Variants in CDH23 observed in about 807,000 individuals in gnomAD.
CDH23 encodes cadherin-23.
In CDH23, 189 loss-of-function variants were observed where a neutral mutation model predicts 317.1. That is an observed-to-expected ratio of 0.60 (90% CI 0.53 to 0.67). The LOEUF (loss-of-function observed/expected upper bound fraction) is 0.67. CDH23 is among the 30% of genes least tolerant of loss of function. CDH23 has a pLI of 0.00. For missense variants in CDH23, 4,401 were observed against 4,592.4 expected, an observed-to-expected ratio of 0.96 and a Z score of 1.20; for synonymous variants, 1,839 against 1,876.8, an observed-to-expected ratio of 0.98 and a Z score of 0.52.
In CDH23 at chr10:71,739,762, A is replaced by G. The variant is rs1014554105; in HGVS notation, c.4478A>G (p.Tyr1493Cys). 2.5e-6 allele frequency: 4 copies of G among 1,610,888 alleles called. No individual in the cohort carries two copies. Among genetic ancestry groups the G allele is most frequent in the East Asian group, 2.2e-5 (1 of 44,846 alleles). ...RPLDREELDH[Y>C]ILQVVASDRG... The stretch of plus-strand genomic sequence containing the variant: ...CTGGACAGAGAAGAGCTGGATCACT[A>G]CATCCTCCAGGTGGGGCCTGGCCTC... The change falls in exon 36 of 70, where the codon TAC becomes TGC. Residue 1493 changes from tyrosine (Y) to cysteine (C), a missense_variant. Tyr to Cys is a radical substitution (Grantham distance 194). This residue lies in a region of CDH23 where 3,068 missense variants were observed against 3,203.3 expected (regional missense o/e 0.96). Coordinates refer to ENST00000224721, the MANE Select transcript of CDH23 (RefSeq NM_022124.6).
rs186690111 is a variant in CDH23 at position 71,756,351 on chromosome 10, C to A, written c.4845+14430C>A. Reference sequence around the variant, plus strand: ...TTGGACATCTCTCTGTCTCCCCTGCCTCATTCTGCTTAGAGTTTTATCACA... The same window carrying A: ...TTGGACATCTCTCTGTCTCCCCTGCATCATTCTGCTTAGAGTTTTATCACA... On this transcript the variant is annotated intron_variant, in intron 38 of 69. Transcript: ENST00000224721. Among the ~76,000 whole-genome samples the A allele has an allele frequency of 6.0e-4, 91 of 152,312 alleles. No individual in the cohort carries two copies. In the Middle Eastern group the frequency reaches 0.031, roughly 51 times the overall value.
chr10:71,531,539 A>C (rs1855375289), intron 6 of CDH23, among the ~76,000 whole-genome samples: 2 of 151,968 alleles, frequency 1.3e-5, no homozygotes, highest in Non-Finnish European at 2.9e-5. Context: ...AGCTGCACTC[A>C]CCCCACTAGA....
Position 71,732,013 on chromosome 10 carries a change from A to G in CDH23, c.3742A>G (p.Ile1248Val). ...GGATGGTGGCCTGGTGAACTACCGC[A>G]TCCTGTCGGGCGCAGAGGGGAAGTT... is the stretch of plus-strand genomic sequence containing the variant. The part of the protein sequence containing the change: ...SGDGGLVNYR[I>V]LSGAEGKFEI... The change falls in exon 32 of 70, where the codon ATC becomes GTC. Residue 1248 changes from isoleucine (I) to valine (V), a missense_variant. Ile to Val is a conservative substitution (Grantham distance 29, BLOSUM62 3). Transcript: ENST00000224721. 1 of 1,613,928 alleles carries G rather than the reference A, an allele frequency of 6.2e-7. No homozygotes were observed. The highest frequency in any genetic ancestry group is 8.5e-7 in the Non-Finnish European group (1 of 1,179,854).
At chr10:71,533,526 CA>C (rs1353838470) in intron 6 of CDH23, among the ~76,000 whole-genome samples, 4 of 1,040 alleles carry the variant, frequency 3.8e-3, no homozygotes, top group African/African-American at 8.4e-3. Flanking sequence ...GGCTGGACAC[CA>C]CACACACACA....
Position 71,815,412 on chromosome 10 carries a change from G to C in CDH23, c.*134G>C. On this transcript the variant is annotated 3_prime_UTR_variant, in exon 70 of 70. Transcript: ENST00000224721. ...TGGGGACAACCTTGGCTTGGCCCTG[G>C]CAGCCCGCATCAGCTGCTCAGATCC... 1.3e-6 allele frequency: 1 copy of C among 782,956 alleles called. No individual in the cohort carries two copies. 48.5% of individuals were successfully genotyped at this position (782,956 alleles called of 1,614,324 possible).
intron 26 of CDH23, 92 bp downstream of exon 26, chr10:71,707,141 T>C: frequency 6.4e-7 from 1 of 1,551,194 alleles, no homozygotes; most frequent in Non-Finnish European, 8.7e-7. Flanking sequence ...TGGGGGCAGG[T>C]GAGGGTGGAA....
Position 71,706,999 on chromosome 10 carries a change from G to T in CDH23, c.3056G>T (p.Cys1019Phe), listed in dbSNP as rs1261818783. 3 of 1,608,014 alleles carry T rather than the reference G, an allele frequency of 1.9e-6. No individual in the cohort carries two copies. The highest frequency in any genetic ancestry group is 2.5e-6 in the Non-Finnish European group (3 of 1,177,358). Residue 1019 changes from cysteine to phenylalanine, a missense_variant, in exon 26 of 70, where the codon TGC (cysteine) becomes TTC (phenylalanine). Around this residue, in one of 3 missense-constraint regions of CDH23, gnomAD observed 3,068 missense variants for 3,203.3 expected, o/e 0.96. Transcript: ENST00000224721. ...GAGTTCCGGGTGGTCTGGCTGAACTGCACGGACAACGACGTGGGCCTCAAT... is the reference window on the plus strand; with the variant it reads ...GAGTTCCGGGTGGTCTGGCTGAACTTCACGGACAACGACGTGGGCCTCAAT... Reference protein sequence around the residue: ...PREFRVVWLNCTDNDVGLNAE... With the variant: ...PREFRVVWLNFTDNDVGLNAE...
chr10:71,566,545 G>C (rs535573860), intron 6 of CDH23, among the ~76,000 whole-genome samples, 197 bp from the exon 7 acceptor site: 7 of 152,134 alleles, frequency 4.6e-5, no homozygotes, highest in African/African-American at 1.7e-4. Context: ...GCCACCAGGA[G>C]GCCATCAAAA....
intron 3 of CDH23, among the ~76,000 whole-genome samples, chr10:71,447,963 T>G (rs1850250989): frequency 1.3e-5 from 2 of 152,230 alleles, no homozygotes; most frequent in South Asian, 4.1e-4. Context: ...TTATCATTAT[T>G]CATGTCCATT....
chr10:71,650,072 C>T (rs192796095), intron 14 of CDH23, among the ~76,000 whole-genome samples: 211 of 152,256 alleles, frequency 1.4e-3, no homozygotes, highest in African/African-American at 4.8e-3. Flanking sequence ...AGAGAGGAGC[C>T]GGAAAGTGCT....
chr10:71,495,098 G>A (rs990229589), intron 3 of CDH23, among the ~76,000 whole-genome samples: 2 of 152,160 alleles, frequency 1.3e-5, no homozygotes, highest in African/African-American at 4.8e-5. Context: ...CCACTTCCCT[G>A]TCAAAACTTT....
At chr10:71,630,383 G>A (rs912940072) in intron 11 of CDH23, among the ~76,000 whole-genome samples, 5 of 152,160 alleles carry the variant, frequency 3.3e-5, no homozygotes, top group Non-Finnish European at 7.3e-5. Flanking sequence ...TTGACCCTGA[G>A]GGGCAGGGGC....
At chr10:71,527,986 T>C (rs574279402) in intron 6 of CDH23, among the ~76,000 whole-genome samples, 13 of 152,288 alleles carry the variant, frequency 8.5e-5, no homozygotes, top group African/African-American at 2.9e-4. Flanking sequence ...CTCATCTCTC[T>C]GGGCCTCAGT....
intron 45 of CDH23, 25 bp downstream of exon 45, chr10:71,789,067 C>G (rs767543032): frequency 1.7e-6 from 2 of 1,180,274 alleles, no homozygotes; most frequent in Non-Finnish European, 2.5e-6. Flanking sequence ...CACCCGGGAG[C>G]TCCTGCTGTT....
intron 3 of CDH23, among the ~76,000 whole-genome samples, chr10:71,506,976 C>T (rs975410360): frequency 1.3e-5 from 2 of 152,190 alleles, no homozygotes; most frequent in African/African-American, 4.8e-5. Context: ...GCCCAGCGCC[C>T]CCCTTCTTGG....
intron 41 of CDH23, among the ~76,000 whole-genome samples, chr10:71,781,284 T>C (rs1467166499): frequency 6.6e-6 from 1 of 152,136 alleles, no homozygotes; most frequent in African/African-American, 2.4e-5. Context: ...GCCCAGAGCT[T>C]ATGAGGGGTC....
intron 1 of CDH23, among the ~76,000 whole-genome samples, chr10:71,419,654 C>T (rs1848665916): frequency 6.6e-6 from 1 of 151,236 alleles, no homozygotes; most frequent in African/African-American, 2.4e-5. Flanking sequence ...CATTTTGTTA[C>T]ATTTCCTTTA....
chr10:71,767,501 C>G (rs1840579041), intron 38 of CDH23, among the ~76,000 whole-genome samples: 1 of 152,210 alleles, frequency 6.6e-6, no homozygotes, highest in Non-Finnish European at 1.5e-5. Context: ...ACAGGACATC[C>G]CAAAGAGAAT....
chr10:71,557,748 T>G (rs139232607), intron 6 of CDH23, among the ~76,000 whole-genome samples: 1 of 152,328 alleles, frequency 6.6e-6, no homozygotes, highest in East Asian at 1.9e-4. Flanking sequence ...GTCACTGTTA[T>G]GAAATTTGGT....
Sources: gnomAD v4.1 joint callset for allele counts (sites outside exome capture counted in the v4.1 genomes callset) on GRCh38, gnomAD v4.1.1 for gene constraint, gnomAD v4.1.1 regional missense constraint, MANE v1.5 for transcripts, NCBI Gene and HGNC (gene_info 2026-07-23, HGNC 2026-07-21) for gene names.